PSPC1: variants seen among roughly 807,000 people sequenced by gnomAD.
The protein encoded by PSPC1 is paraspeckle component 1.
PSPC1 carries 14 observed loss-of-function variants against 51.6 expected under a neutral mutation model. The observed-to-expected ratio is 0.27, with a 90% confidence interval of 0.18 to 0.42. The LOEUF (loss-of-function observed/expected upper bound fraction) is 0.42, where lower values mean the gene tolerates loss of function less well. Ranked by LOEUF, PSPC1 falls within the 10% of genes least tolerant of loss-of-function variation. The pLI is 1.00. For missense variants in PSPC1, 406 were observed against 701.1 expected, an observed-to-expected ratio of 0.58 and a Z score of 4.75; for synonymous variants, 193 against 231.9, an observed-to-expected ratio of 0.83 and a Z score of 1.53.
At chr13:19,698,099 G>C (rs987902043), downstream of PSPC1, among the ~76,000 whole-genome samples, 1 of 151,960 alleles carries the variant, frequency 6.6e-6, no homozygotes, top group Admixed American at 6.6e-5. Context: ...AAAGCAGCTA[G>C]AACAGGAAAG....
intron 5 of PSPC1, among the ~76,000 whole-genome samples, chr13:19,732,587 G>A (rs1294537616): frequency 1.3e-5 from 2 of 152,114 alleles, no homozygotes; most frequent in African/African-American, 4.8e-5. Flanking sequence ...ATCAACTTTT[G>A]CCATCAAATG....
downstream of PSPC1, among the ~76,000 whole-genome samples, chr13:19,698,924 AAC>A (rs370491160): frequency 8.6e-4 from 131 of 152,024 alleles, no homozygotes; most frequent in African/African-American, 3.0e-3. Flanking sequence ...AAATAGAAAA[AAC>A]ACATACACTG....
chr13:19,727,705 T>A (rs1883523758), intron 6 of PSPC1, among the ~76,000 whole-genome samples: 1 of 152,146 alleles, frequency 6.6e-6, no homozygotes, highest in Non-Finnish European at 1.5e-5. Context: ...GTTGGTGGAG[T>A]AACCTAATAT....
intron 1 of PSPC1, 50 bp from the exon 2 acceptor site, chr13:19,772,593 T>G (rs1417272323): frequency 2.1e-5 from 32 of 1,525,712 alleles, no homozygotes; most frequent in Non-Finnish European, 2.7e-5. Flanking sequence ...ACAGAAAAAA[T>G]TCAAAACAGT....
chr13:19,765,376 C>T (rs1026425303), intron 2 of PSPC1, among the ~76,000 whole-genome samples: 12 of 144,666 alleles, frequency 8.3e-5, no homozygotes, highest in Admixed American at 1.4e-4. Context: ...ACCAGGATGA[C>T]GATATTAATA....
Position 19,732,055 on chromosome 13 carries a change from C to G in PSPC1, c.1053-1711G>C, listed in dbSNP as rs117335866. ...GTTCTTGTTTGTTGCACAACACTCC[C>G]GCTAAATCTGAGTCCACTAATTCAA... On this transcript the variant is annotated intron_variant, in intron 5 of 8. Transcript: ENST00000338910. 4.6e-3 allele frequency among the ~76,000 whole-genome samples: 693 copies of G among 152,216 alleles called. 5 individuals carry two copies. Among genetic ancestry groups the G allele is most frequent in the South Asian group, 0.027 (128 of 4,814 alleles).
intron 6 of PSPC1, chr13:19,677,827 G>C (rs1876840308): frequency 2.1e-6 from 1 of 484,332 alleles, no homozygotes; most frequent in South Asian, 1.5e-5. Flanking sequence ...TATCACCCTA[G>C]AAATACAATG....
chr13:19,762,421 G>A (rs188116401), intron 2 of PSPC1, among the ~76,000 whole-genome samples: 4 of 152,256 alleles, frequency 2.6e-5, no homozygotes, highest in African/African-American at 9.6e-5. Context: ...TTAGCCAGGC[G>A]TGGTGGCACA....
At chr13:19,676,292 T>C (rs1004971580) in intron 7 of PSPC1, among the ~76,000 whole-genome samples, 4 of 152,192 alleles carry the variant, frequency 2.6e-5, no homozygotes, top group Non-Finnish European at 5.9e-5. Flanking sequence ...ATTCTCTAGT[T>C]TCCATCCTCA....
chr13:19,718,779 T>C (rs1485175749), intron 6 of PSPC1, among the ~76,000 whole-genome samples: 17 of 152,136 alleles, frequency 1.1e-4, no homozygotes, highest in Admixed American at 4.6e-4. Context: ...AACCAAAATA[T>C]TATTCAGTGC....
At chr13:19,715,729 TA>T (rs869051190) in intron 6 of PSPC1, among the ~76,000 whole-genome samples, 6 of 151,988 alleles carry the variant, frequency 3.9e-5, no homozygotes, top group East Asian at 3.9e-4. Flanking sequence ...CACTGTCTCT[TA>T]AAAAAAATTT....
intron 2 of PSPC1, among the ~76,000 whole-genome samples, chr13:19,770,561 G>C (rs888829993): frequency 6.6e-6 from 1 of 152,130 alleles, no homozygotes; most frequent in African/African-American, 2.4e-5. Context: ...GCCAAGGTGG[G>C]TGGATCACCT....
intron 6 of PSPC1, among the ~76,000 whole-genome samples, chr13:19,719,479 A>T (rs1882509977): frequency 1.3e-5 from 2 of 152,132 alleles, no homozygotes; most frequent in African/African-American, 4.8e-5. Context: ...ATTACATCTT[A>T]ATTTATACTG....
chr13:19,693,094 C>T (rs1439550034), intron 6 of PSPC1, among the ~76,000 whole-genome samples: 1 of 152,136 alleles, frequency 6.6e-6, no homozygotes, highest in Non-Finnish European at 1.5e-5. Context: ...TCTCTGCTAC[C>T]AACCAGTCTT....
intron 6 of PSPC1, among the ~76,000 whole-genome samples, chr13:19,680,536 T>G (rs1026224571): frequency 1.3e-5 from 2 of 152,154 alleles, no homozygotes; most frequent in African/African-American, 2.4e-5. Flanking sequence ...CCTAGAAAGC[T>G]AAGACAAAGA....
intron 6 of PSPC1, among the ~76,000 whole-genome samples, chr13:19,686,929 G>C (rs1877954475): frequency 6.6e-6 from 1 of 152,180 alleles, no homozygotes; most frequent in Non-Finnish European, 1.5e-5. Context: ...GGGCGCGGTG[G>C]CTCATGCCTG....
intron 4 of PSPC1, 71 bp downstream of exon 4, chr13:19,751,200 G>C: frequency 2.4e-6 from 3 of 1,270,266 alleles, no homozygotes; most frequent in Non-Finnish European, 3.1e-6. Context: ...TTACACAGTA[G>C]TACATGAATG....
intron 6 of PSPC1, among the ~76,000 whole-genome samples, chr13:19,684,175 A>G (rs919944378): frequency 3.3e-5 from 5 of 152,210 alleles, no homozygotes; most frequent in African/African-American, 1.2e-4. Context: ...TCTCGAAAAC[A>G]AAATCCAGAA....
chr13:19,782,009 G>T lies in PSPC1; in HGVS notation c.372+377C>A, dbSNP rs1890023373. Among the ~76,000 whole-genome samples, 1 of 152,154 alleles carries T rather than the reference G, an allele frequency of 6.6e-6. No individual in the cohort carries two copies. The highest frequency in any genetic ancestry group is 2.1e-4 in the South Asian group (1 of 4,828). ...CCTTGAAGAATTCTCACCCCAAAACGCTGCCCGCCCCTGTCCCCGGACCCT... is the reference window on the plus strand; with the variant it reads ...CCTTGAAGAATTCTCACCCCAAAACTCTGCCCGCCCCTGTCCCCGGACCCT... On this transcript the variant is annotated intron_variant, in intron 1 of 8. Coordinates refer to ENST00000338910, the MANE Select transcript of PSPC1 (RefSeq NM_001354909.2). The surrounding 1 kb of genome is among the most constrained non-coding windows in gnomAD (Gnocchi z 4.5).
Sources: gnomAD v4.1 joint callset for allele counts (sites outside exome capture counted in the v4.1 genomes callset) on GRCh38, gnomAD v4.1.1 for gene constraint, Gnocchi (gnomAD v3.1) non-coding constraint, MANE v1.5 for transcripts, NCBI Gene and HGNC (gene_info 2026-07-23, HGNC 2026-07-21) for gene names.